Variants in CRIM1 observed in about 807,000 individuals in gnomAD.
CRIM1 encodes the protein cysteine-rich motor neuron 1 protein.
CRIM1 carries 32 observed loss-of-function variants against 116.4 expected under a neutral mutation model. That is an observed-to-expected ratio of 0.27 (90% CI 0.21 to 0.37). The LOEUF is 0.37. Ranked by LOEUF, CRIM1 falls within the 10% of genes least tolerant of loss-of-function variation. The probability of loss-of-function intolerance (pLI) is 1.00; values close to 1 mark genes in which losing one functional copy is unlikely to be tolerated. For synonymous variants in CRIM1, 590 were observed against 509.2 expected, an observed-to-expected ratio of 1.16 and a Z score of -2.13; for missense variants, 1,331 against 1,354.8, an observed-to-expected ratio of 0.98 and a Z score of 0.28.
chr2:36,465,190 A>G (rs956308765), intron 5 of CRIM1, among the ~76,000 whole-genome samples: 2 of 152,214 alleles, frequency 1.3e-5, no homozygotes, highest in African/African-American at 4.8e-5. Flanking sequence ...GGCCTGCTGT[A>G]GGCTTGACCC....
intron 1 of CRIM1, among the ~76,000 whole-genome samples, chr2:36,363,395 G>A: frequency 6.6e-6 from 1 of 151,940 alleles, no homozygotes; most frequent in East Asian, 1.9e-4. Flanking sequence ...ACCAGTATAA[G>A]TGAAACAATT....
intron 1 of CRIM1, among the ~76,000 whole-genome samples, chr2:36,386,186 A>T (rs187135009): frequency 1.2e-4 from 18 of 152,342 alleles, no homozygotes; most frequent in Admixed American, 1.1e-3. Context: ...ACTGTGCATT[A>T]TTCATGTCCT....
chr2:36,480,112 A>G (rs1221383322), intron 7 of CRIM1, among the ~76,000 whole-genome samples: 1 of 152,234 alleles, frequency 6.6e-6, no homozygotes, highest in Non-Finnish European at 1.5e-5. Context: ...TGGAACCATG[A>G]AAGCCAATTT....
At position 36,459,064 on chromosome 2, in the gene CRIM1, A is replaced by T. The variant is rs114587171; in HGVS notation, c.870-5470A>T. Among the ~76,000 whole-genome samples the T allele has an allele frequency of 2.4e-3, 370 of 152,312 alleles. 2 individuals are homozygous for T. The highest frequency in any genetic ancestry group is 7.8e-3 in the African/African-American group (324 of 41,570). On this transcript the variant is annotated intron_variant, in intron 4 of 16. Transcript: ENST00000280527. ...TCATTGTTCTCATTATAATGTTAAA[A>T]CTAGTTGTACTTGTTTTTTGCTTTT... is the stretch of plus-strand genomic sequence containing the variant.
At chr2:36,504,928 T>C (rs1222387750) in intron 8 of CRIM1, among the ~76,000 whole-genome samples, 1 of 152,202 alleles carries the variant, frequency 6.6e-6, no homozygotes, top group African/African-American at 2.4e-5. Context: ...ATTCTTTAAT[T>C]GTAGACATTA....
At chr2:36,450,377 C>G (rs1228781959) in intron 4 of CRIM1, among the ~76,000 whole-genome samples, 1 of 152,218 alleles carries the variant, frequency 6.6e-6, no homozygotes, top group African/African-American at 2.4e-5. Context: ...TCTTCTCTGT[C>G]TTCAGCTGCT....
In CRIM1 at chr2:36,477,194, T is replaced by G. The variant is rs1354715965; in HGVS notation, c.1174+123T>G. 3 of 742,388 alleles carry G rather than the reference T, an allele frequency of 4.0e-6. No individual in the cohort carries two copies. The African/African-American group carries it at 5.5e-5, about 14-fold the overall frequency. 46.0% of individuals were successfully genotyped at this position (742,388 alleles called of 1,614,324 possible). The stretch of plus-strand genomic sequence containing the variant: ...AATATTGAAGTTCCTTTTTTAGCCT[T>G]TTTTAAGACACCATGGTCTGTCTTT... On this transcript the variant is annotated intron_variant, in intron 6 of 16. Coordinates refer to ENST00000280527, the MANE Select transcript of CRIM1 (RefSeq NM_016441.3).
intron 4 of CRIM1, among the ~76,000 whole-genome samples, chr2:36,448,692 C>T (rs990677153): frequency 1.4e-5 from 2 of 144,704 alleles, no homozygotes; most frequent in African/African-American, 5.2e-5. Context: ...TGAAATTTGT[C>T]CCAAACTTTT....
At chr2:36,436,621 A>T (rs1675333029) in intron 2 of CRIM1, among the ~76,000 whole-genome samples, 1 of 152,222 alleles carries the variant, frequency 6.6e-6, no homozygotes, top group African/African-American at 2.4e-5. Context: ...GATTTAATAG[A>T]TAACGCAAGA....
intron 2 of CRIM1, among the ~76,000 whole-genome samples, chr2:36,411,755 C>G (rs1402480896): frequency 6.6e-6 from 1 of 151,824 alleles, no homozygotes; most frequent in Non-Finnish European, 1.5e-5. Context: ...TAAGTGTTTC[C>G]TGAGAATTTT....
intron 7 of CRIM1, 113 bp from the exon 8 acceptor site, chr2:36,499,106 A>G: frequency 2.7e-6 from 2 of 754,510 alleles, no homozygotes; most frequent in South Asian, 1.8e-5. Context: ...CGATTTGATG[A>G]CAATTACTGA....
intron 1 of CRIM1, among the ~76,000 whole-genome samples, chr2:36,394,323 C>G (rs1671846389): frequency 6.6e-6 from 1 of 152,042 alleles, no homozygotes. Context: ...TATGTAGTCA[C>G]AAAAATTCCT....
chr2:36,521,460 C>A (rs989516575), intron 12 of CRIM1, among the ~76,000 whole-genome samples: 4 of 152,140 alleles, frequency 2.6e-5, no homozygotes, highest in Non-Finnish European at 2.9e-5. Flanking sequence ...AATCCAGCTA[C>A]AATTTGTAAG....
At chr2:36,466,257 G>C (rs1256130512) in intron 5 of CRIM1, among the ~76,000 whole-genome samples, 1 of 152,100 alleles carries the variant, frequency 6.6e-6, no homozygotes, top group Non-Finnish European at 1.5e-5. Flanking sequence ...ATGGGGGATA[G>C]AGATGGTAAG....
intron 4 of CRIM1, among the ~76,000 whole-genome samples, chr2:36,460,395 A>C (rs533833342): frequency 1.3e-5 from 2 of 152,298 alleles, no homozygotes; most frequent in South Asian, 4.2e-4. Flanking sequence ...GGGGAAAGGG[A>C]GTGACTGCTA....
intron 11 of CRIM1, among the ~76,000 whole-genome samples, chr2:36,514,411 G>T (rs562213523): frequency 2.8e-4 from 42 of 152,238 alleles, no homozygotes; most frequent in African/African-American, 9.4e-4. Flanking sequence ...CATCTAGTAC[G>T]TTTTATCCAA....
At chr2:36,431,582 C>T (rs565583440) in intron 2 of CRIM1, among the ~76,000 whole-genome samples, 1 of 152,140 alleles carries the variant, frequency 6.6e-6, no homozygotes, top group Non-Finnish European at 1.5e-5. Flanking sequence ...TTTAAAATCA[C>T]GTAAGATCAC....
chr2:36,495,776 G>A (rs1307029339), intron 7 of CRIM1, among the ~76,000 whole-genome samples: 1 of 151,936 alleles, frequency 6.6e-6, no homozygotes, highest in South Asian at 2.1e-4. Context: ...ATTAGTAATA[G>A]GATCAGTTCT....
chr2:36,364,241 G>C (rs577266915), intron 1 of CRIM1, among the ~76,000 whole-genome samples: 1 of 152,294 alleles, frequency 6.6e-6, no homozygotes, highest in South Asian at 2.1e-4. Context: ...AGTGTCACAG[G>C]TGCCAGGACC....
Sources: gnomAD v4.1 joint callset for allele counts (sites outside exome capture counted in the v4.1 genomes callset) on GRCh38, gnomAD v4.1.1 for gene constraint, MANE v1.5 for transcripts, NCBI Gene and HGNC (gene_info 2026-07-23, HGNC 2026-07-21) for gene names.